NHS: variants seen among roughly 807,000 people sequenced by gnomAD.
NHS encodes the protein NHS actin remodeling regulator.
NHS carries 5 observed loss-of-function variants against 72.5 expected under a neutral mutation model. The observed-to-expected ratio is 0.07, with a 90% CI of 0.04 to 0.14. The LOEUF is 0.14. Among genes scored for constraint, NHS ranks in the 10% least tolerant of loss-of-function variants. NHS has a pLI of 1.00. For missense variants in NHS, 1,072 were observed against 1,355.7 expected (o/e 0.79, Z 3.29); for synonymous variants, 464 against 547.7 (o/e 0.85, Z 2.13).
At position 17,377,641 on chromosome X, in the gene NHS, GTGTTC is replaced by G. The variant is rs753406057; in HGVS notation, c.565+1321_565+1325del. On this transcript the variant is annotated intron_variant, in intron 1 of 8. Transcript: ENST00000676302. ...CTCCCAGCGGTCCCTGCCCGCCCGC[GTGTTC>G]TCTCCCTCTTCCCCTCCTCCTCCGA... is the stretch of plus-strand genomic sequence containing the variant. Among the ~76,000 whole-genome samples the G allele has an allele frequency of 1.4e-3, 163 of 113,576 alleles. No individual in the cohort carries two copies. The South Asian group carries it at 0.016, about 11-fold the overall frequency.
rs192806550 is a variant in NHS, at chrX:17,678,277, T to G, written c.566-9465T>G. 5.2e-3 allele frequency among the ~76,000 whole-genome samples: 549 copies of G among 105,863 alleles called. 4 individuals carry two copies. Among genetic ancestry groups the G allele is most frequent in the African/African-American group, 0.02 (525 of 26,711 alleles). The allele number at this position is 105,863 out of a possible 115,157, so 91.9% of individuals were successfully genotyped here. Reference sequence around the variant, plus strand: ...ACTTTTTTGAATGACTGTGGGTGTGTGTGTGTGTGTGTGTGTGAGAGAGAG... The same window carrying G: ...ACTTTTTTGAATGACTGTGGGTGTGGGTGTGTGTGTGTGTGTGAGAGAGAG... On this transcript the variant is annotated intron_variant, in intron 1 of 8. Coordinates refer to ENST00000676302, the MANE Select transcript of NHS (RefSeq NM_001291867.2).
At chrX:17,614,285 CA>C (rs963643948) in intron 1 of NHS, among the ~76,000 whole-genome samples, 13 of 112,483 alleles carry the variant, frequency 1.2e-4, no homozygotes, top group African/African-American at 4.2e-4. Flanking sequence ...CCGCAAGGCT[CA>C]ACCATAAATG....
intron 2 of NHS, among the ~76,000 whole-genome samples, chrX:17,691,654 T>C (rs2066196321): frequency 9.0e-6 from 1 of 111,630 alleles, no homozygotes. Context: ...GAGCCAGCAT[T>C]GGGCAGGCCT....
At chrX:17,633,211 T>C (rs371823814) in intron 1 of NHS, among the ~76,000 whole-genome samples, 2 of 112,041 alleles carry the variant, frequency 1.8e-5, no homozygotes, top group Non-Finnish European at 3.8e-5. Context: ...AGAAAATATA[T>C]CCTCTTCCTT....
At position 17,375,530 on chromosome X, in the gene NHS, T is replaced by G; in HGVS notation, c.-228T>G. On this transcript the variant is annotated 5_prime_UTR_variant, in exon 1 of 9. Coordinates refer to ENST00000676302, the MANE Select transcript of NHS (RefSeq NM_001291867.2). ...AAATTTCTGTGCGGAGCGCTTGTCA[T>G]CCTCCCCAGGGAACGGTGCACCCAA... is the stretch of plus-strand genomic sequence containing the variant. 2.4e-6 allele frequency: 1 copy of G among 414,317 alleles called. No homozygotes were observed. Among genetic ancestry groups the G allele is most frequent in the Non-Finnish European group, 4.2e-6 (1 of 239,782 alleles). 34.1% of individuals were successfully genotyped at this position (414,317 alleles called of 1,213,427 possible). A position where few individuals can be genotyped will look rare whatever the true frequency, so the allele number is the denominator to read the frequency against.
chrX:17,538,263 G>A (rs2065240107), intron 1 of NHS, among the ~76,000 whole-genome samples: 1 of 111,968 alleles, frequency 8.9e-6, no homozygotes, highest in Non-Finnish European at 1.9e-5. Context: ...TGCCTTTCCT[G>A]GACTCTGTCA....
intron 1 of NHS, among the ~76,000 whole-genome samples, chrX:17,455,342 G>A (rs768080730): frequency 1.7e-4 from 19 of 111,739 alleles, no homozygotes; most frequent in Non-Finnish European, 3.4e-4. Flanking sequence ...CATCATCATG[G>A]TCATTAACAT....
rs146568520 is a variant in NHS, at chrX:17,458,481, G to A, written c.565+82159G>A. 4.9e-4 allele frequency among the ~76,000 whole-genome samples: 54 copies of A among 110,458 alleles called. No homozygotes were observed. The East Asian group carries it at 0.013, about 26-fold the overall frequency. ...TGACCTCAAGTCATCTACCTGCCTCGGCCTCCCAAAGTGCTGGGATTACAG... is the reference window on the plus strand; with the variant it reads ...TGACCTCAAGTCATCTACCTGCCTCAGCCTCCCAAAGTGCTGGGATTACAG... On this transcript the variant is annotated intron_variant, in intron 1 of 8. Transcript: ENST00000676302.
chrX:17,467,525 T>C (rs938588712), intron 1 of NHS, among the ~76,000 whole-genome samples: 21 of 112,377 alleles, frequency 1.9e-4, no homozygotes, highest in Non-Finnish European at 3.8e-4. Context: ...TTCATAGCAA[T>C]TTAGTTTACC....
chrX:17,441,498 T>G (rs2064753775), intron 1 of NHS, among the ~76,000 whole-genome samples: 1 of 112,227 alleles, frequency 8.9e-6, no homozygotes, highest in Admixed American at 9.4e-5. Flanking sequence ...AGAATGTTAC[T>G]GAATTGTGGC....
At chrX:17,386,005 C>G (rs2064406028) in intron 1 of NHS, among the ~76,000 whole-genome samples, 1 of 111,530 alleles carries the variant, frequency 9.0e-6, no homozygotes, top group African/African-American at 3.3e-5. Flanking sequence ...GTTTCCATGC[C>G]CTCTGAGACT....
At chrX:17,669,254 T>C (rs1412439107) in intron 1 of NHS, among the ~76,000 whole-genome samples, 2 of 111,972 alleles carry the variant, frequency 1.8e-5, no homozygotes, top group Non-Finnish European at 3.8e-5. Context: ...ACGGAGATAG[T>C]GGGTGTTTGG....
At chrX:17,522,684 A>C (rs2065155982) in intron 1 of NHS, among the ~76,000 whole-genome samples, 1 of 110,782 alleles carries the variant, frequency 9.0e-6, no homozygotes, top group Non-Finnish European at 1.9e-5. Context: ...GTAGCAGGGA[A>C]GCTTTCTTTG....
chrX:17,536,016 A>C (rs952409125), intron 1 of NHS, among the ~76,000 whole-genome samples: 2 of 111,777 alleles, frequency 1.8e-5, no homozygotes, highest in Non-Finnish European at 3.8e-5. Context: ...CCCTTCATTC[A>C]TTTGACAGGT....
At chrX:17,597,821 G>A (rs1002409600) in intron 1 of NHS, among the ~76,000 whole-genome samples, 4 of 110,608 alleles carry the variant, frequency 3.6e-5, no homozygotes, top group Non-Finnish European at 7.6e-5. Flanking sequence ...GGTGGACTCT[G>A]GAGGTTGCCT....
intron 1 of NHS, among the ~76,000 whole-genome samples, chrX:17,523,438 C>T (rs2065159267): frequency 8.9e-6 from 1 of 111,815 alleles, no homozygotes; most frequent in South Asian, 3.7e-4. Flanking sequence ...TTGATCTCTG[C>T]TGCTGCCAAA....
chrX:17,562,551 G>C (rs1192755971), intron 1 of NHS, among the ~76,000 whole-genome samples: 2 of 111,463 alleles, frequency 1.8e-5, no homozygotes, highest in African/African-American at 6.5e-5. Context: ...AGGGAGATGG[G>C]GAGGGCACAG....
chrX:17,712,361 TACACACACACACACAC>T (rs745619023), intron 3 of NHS, among the ~76,000 whole-genome samples: 2 of 77,087 alleles, frequency 2.6e-5, no homozygotes, highest in Non-Finnish European at 4.8e-5. Flanking sequence ...CACATTTGTA[TACACACACACACACAC>T]ACACACACAC....
At chrX:17,698,865 G>A in intron 3 of NHS, among the ~76,000 whole-genome samples, 1 of 110,769 alleles carries the variant, frequency 9.0e-6, no homozygotes, top group Non-Finnish European at 1.9e-5. Context: ...TTGGATACTG[G>A]CTAAGCCTTA....
Sources: allele counts gnomAD v4.1 joint callset (sites outside exome capture counted in the v4.1 genomes callset), GRCh38; gene constraint gnomAD v4.1.1; transcripts MANE v1.5; gene names NCBI Gene and HGNC (gene_info 2026-07-23, HGNC 2026-07-21).